ANAPC5: variants seen among roughly 807,000 people sequenced by gnomAD.
The protein encoded by ANAPC5 is anaphase promoting complex subunit 5.
Under a neutral mutation model 91.3 loss-of-function variants are expected in ANAPC5, and 60 were observed. That is an observed-to-expected ratio of 0.66 (90% CI 0.53 to 0.81). The LOEUF is 0.81. Ranked by LOEUF, ANAPC5 falls within the 40% of genes least tolerant of loss-of-function variation. ANAPC5 has a pLI of 0.00. For synonymous variants in ANAPC5, 340 were observed against 364.1 expected, an observed-to-expected ratio of 0.93 and a Z score of 0.75; for missense variants, 690 against 931.5, an observed-to-expected ratio of 0.74 and a Z score of 3.37.
chr12:121,318,156 T>A (rs1285476002), intron 15 of ANAPC5, 121 bp downstream of exon 15: 1 of 1,232,566 alleles, frequency 8.1e-7, no homozygotes. Context: ...GAAGACTACC[T>A]TTCCAGACGT....
intron 11 of ANAPC5, chr12:121,320,759 T>C (rs983481442): frequency 7.2e-4 from 147 of 202,836 alleles, no homozygotes; most frequent in Non-Finnish European, 1.4e-3. Context: ...CCTGCCACCA[T>C]GTCCGGCTAA....
intron 5 of ANAPC5, among the ~76,000 whole-genome samples, chr12:121,338,916 G>A (rs146402769): frequency 2.0e-5 from 3 of 150,556 alleles, no homozygotes; most frequent in African/African-American, 7.3e-5. Context: ...TATAATACAG[G>A]GTGTATTCCA....
intron 5 of ANAPC5, among the ~76,000 whole-genome samples, chr12:121,339,869 T>TTTTG (rs1555273895): frequency 1.2e-5 from 1 of 82,080 alleles, no homozygotes; most frequent in African/African-American, 1.1e-4. Context: ...TTTCTTCCAG[T>TTTTG]TTTTTTTTTT....
At position 121,309,733 on chromosome 12, in the gene ANAPC5, G is replaced by A. The variant is rs1241003615; in HGVS notation, c.2024C>T (p.Ala675Val). The change falls in exon 16 of 17, where the codon GCA (alanine) becomes GTA (valine). Residue 675 changes from alanine (A) to valine (V), a missense_variant. Ala to Val is a moderately conservative substitution (Grantham distance 64). This residue lies in a region of ANAPC5 where 317 missense variants were observed against 438.7 expected (regional missense o/e 0.72). Transcript: ENST00000261819. ...FLVAKCQVASAASYDQPKKAE... is the reference protein window; with the variant it reads ...FLVAKCQVASVASYDQPKKAE... ...TTTCTTCGGCTGATCGTAGGAAGCT[G>A]CTGAAGCCACCTGGCACTTGGCCAC... 1.2e-6 allele frequency: 2 copies of A among 1,614,032 alleles called. No individual in the cohort carries two copies. Among genetic ancestry groups the A allele is most frequent in the Non-Finnish European group, 1.7e-6 (2 of 1,179,954 alleles).
chr12:121,310,933 C>CAAAAA (rs35742192), intron 15 of ANAPC5, among the ~76,000 whole-genome samples: 11 of 61,098 alleles, frequency 1.8e-4, no homozygotes, highest in East Asian at 1.4e-3. Context: ...GACTCCATCT[C>CAAAAA]AAAAAAAAAA....
At chr12:121,321,281 T>TA (rs1159934468) in intron 11 of ANAPC5, among the ~76,000 whole-genome samples, 1 of 149,520 alleles carries the variant, frequency 6.7e-6, no homozygotes, top group African/African-American at 2.5e-5. Flanking sequence ...ATTACACACG[T>TA]AAGACATATC....
At chr12:121,352,454 G>A (rs1903943271), upstream of ANAPC5, 6 of 848,128 alleles carry the variant, frequency 7.1e-6, no homozygotes, top group Middle Eastern at 1.8e-3. Flanking sequence ...CCAGGAAACA[G>A]ACATCCGCGT....
At chr12:121,349,744 G>A (rs578100079) in intron 1 of ANAPC5, among the ~76,000 whole-genome samples, 1 of 147,962 alleles carries the variant, frequency 6.8e-6, no homozygotes, top group East Asian at 2.0e-4. Flanking sequence ...TTTGGAGACG[G>A]ATGCCCAGGC....
chr12:121,347,617 T>C, intron 2 of ANAPC5, 185 bp downstream of exon 2: 1 of 586,318 alleles, frequency 1.7e-6, no homozygotes. Flanking sequence ...GGCAACAGAA[T>C]GAGACCCTGT....
chr12:121,352,348 C>A lies in ANAPC5; in HGVS notation c.-8G>T. 1 of 1,591,912 alleles carries A rather than the reference C, an allele frequency of 6.3e-7. No homozygotes were observed. Among genetic ancestry groups the A allele is most frequent in the Non-Finnish European group, 8.6e-7 (1 of 1,165,572 alleles). ...CTCGTGGACGCTGGCCATGGCGGCCCGAGACTAAGTCTCGGGCCCGCGGCG... is the reference window on the plus strand; with the variant it reads ...CTCGTGGACGCTGGCCATGGCGGCCAGAGACTAAGTCTCGGGCCCGCGGCG... On this transcript the variant is annotated 5_prime_UTR_variant, in exon 1 of 17. Transcript: ENST00000261819.
In ANAPC5 at chr12:121,325,505, TTAAAAA is replaced by T. The variant is rs1181274567; in HGVS notation, c.1440+1585_1440+1590del. On this transcript the variant is annotated intron_variant, in intron 11 of 16. Coordinates refer to ENST00000261819, the MANE Select transcript of ANAPC5 (RefSeq NM_016237.5). Reference sequence around the variant, plus strand: ...TTAAAAATAAATTAAAAATTAAAAATTAAAAAAAAAAAAGAATTGAACCAAGACTAA... The same window carrying T: ...TTAAAAATAAATTAAAAATTAAAAATAAAAAAAGAATTGAACCAAGACTAA... Among the ~76,000 whole-genome samples, 62 of 5,560 alleles carry T rather than the reference TTAAAAA, an allele frequency of 0.011. 2 individuals carry two copies. In the East Asian group the frequency reaches 0.37, roughly 33 times the overall value. 3.6% of individuals were successfully genotyped at this position (5,560 alleles called of 152,430 possible).
chr12:121,326,414 A>G (rs1902819636), intron 11 of ANAPC5: 1 of 152,190 alleles, frequency 6.6e-6, no homozygotes, highest in African/African-American at 2.4e-5. Flanking sequence ...CCCATGAAAG[A>G]AGATATTTTG....
At chr12:121,325,552 G>A (rs976924398) in intron 11 of ANAPC5, among the ~76,000 whole-genome samples, 3 of 151,030 alleles carry the variant, frequency 2.0e-5, no homozygotes, top group African/African-American at 7.3e-5. Context: ...TTGAAAAGTA[G>A]TTTTCTATTC....
chr12:121,314,839 C>CTACTTA (rs1262393548), intron 15 of ANAPC5, among the ~76,000 whole-genome samples: 1 of 152,086 alleles, frequency 6.6e-6, no homozygotes, highest in Admixed American at 6.6e-5. Flanking sequence ...CCATGTTGTC[C>CTACTTA]AGGCTGGTCT....
At chr12:121,347,767 A>G in intron 2 of ANAPC5, 35 bp downstream of exon 2, 2 of 1,505,564 alleles carry the variant, frequency 1.3e-6, no homozygotes, top group Non-Finnish European at 1.8e-6. Context: ...CTACCTTCAC[A>G]CCTTTTCATA....
intron 10 of ANAPC5, 74 bp downstream of exon 10, chr12:121,328,242 C>A: frequency 1.4e-6 from 2 of 1,430,892 alleles, no homozygotes; most frequent in Non-Finnish European, 1.9e-6. Flanking sequence ...TATGTATGGC[C>A]TTTCACAGAA....
Position 121,345,901 on chromosome 12 carries a change from T to C in ANAPC5, c.528A>G (p.Glu176=). ...EKKTVEDADM[E]LTSRDEGERK... is the part of the protein sequence containing the mutation. ...TTTCACCCTCATCTCTACTGGTCAG[T>C]TCCATATCAGCATCCTCCACTGTCT... Residue 176 remains glutamate, a synonymous_variant, in exon 4 of 17, where the codon GAA becomes GAG. Transcript: ENST00000261819. The C allele has an allele frequency of 6.2e-7, 1 of 1,614,214 alleles. No homozygotes were observed. Among genetic ancestry groups the C allele is most frequent in the Non-Finnish European group, 8.5e-7 (1 of 1,180,042 alleles).
chr12:121,314,117 C>T (rs181552451), intron 15 of ANAPC5, among the ~76,000 whole-genome samples: 3 of 152,184 alleles, frequency 2.0e-5, no homozygotes, highest in East Asian at 1.9e-4. Flanking sequence ...AAGAAAAAAT[C>T]GGGGCTGGGC....
intron 2 of ANAPC5, chr12:121,347,428 A>G (rs1326394548): frequency 1.6e-5 from 4 of 256,132 alleles, no homozygotes; most frequent in Non-Finnish European, 3.0e-5. Flanking sequence ...CCAGGAGTTC[A>G]AGACCAGCCT....
Sources: allele counts gnomAD v4.1 joint callset (sites outside exome capture counted in the v4.1 genomes callset), GRCh38; gene constraint gnomAD v4.1.1; regional missense constraint gnomAD v4.1.1; transcripts MANE v1.5; gene names NCBI Gene and HGNC (gene_info 2026-07-23, HGNC 2026-07-21).